Variants in ZNF714 observed in about 807,000 individuals in gnomAD.
ZNF714 encodes zinc finger protein 714.
A neutral mutation model predicts 46.2 loss-of-function variants in ZNF714; 32 were observed. The observed-to-expected ratio is 0.69, with a 90% CI of 0.52 to 0.93. ZNF714 has a LOEUF of 0.93. Among genes scored for constraint, ZNF714 ranks in the 40% least tolerant of loss-of-function variants. The pLI is 0.00. For synonymous variants in ZNF714, 199 were observed against 213.1 expected (o/e 0.93, Z 0.58); for missense variants, 635 against 646.3 (o/e 0.98, Z 0.19).
At chr19:21,113,840 G>A (rs995129523) in intron 4 of ZNF714, among the ~76,000 whole-genome samples, 3 of 152,022 alleles carry the variant, frequency 2.0e-5, no homozygotes, top group South Asian at 2.1e-4. Flanking sequence ...AGTGCCATGT[G>A]GAACTTAGAA....
chr19:21,091,330 C>T (rs1171217228), intron 2 of ZNF714: 4 of 152,204 alleles, frequency 2.6e-5, no homozygotes, highest in Non-Finnish European at 5.9e-5. Flanking sequence ...TTTTATCCAG[C>T]TTCTAATACT....
At position 21,117,082 on chromosome 19, in the gene ZNF714, A is replaced by C; in HGVS notation, c.418A>C (p.Thr140Pro). The change falls in exon 5 of 5, where the codon ACT (threonine) becomes CCT (proline). Residue 140 changes from threonine to proline, a missense_variant. Thr to Pro is a conservative substitution (Grantham distance 38). Transcript: ENST00000456283. ...FNSNRHKTRH[T>P]GEKPFKCKKC... ...TTCAAATAGACACAAGACAAGACAT[A>C]CTGGAGAGAAACCTTTCAAATGTAA... 6.2e-7 allele frequency: 1 copy of C among 1,613,556 alleles called. No homozygotes were observed. Among genetic ancestry groups the C allele is most frequent in the East Asian group, 2.2e-5 (1 of 44,830 alleles).
intron 4 of ZNF714, among the ~76,000 whole-genome samples, chr19:21,112,815 G>GTT (rs1314785181): frequency 2.4e-5 from 1 of 41,700 alleles, no homozygotes; most frequent in Non-Finnish European, 5.6e-5. Context: ...TTTTATTTCT[G>GTT]ATTTTTTTTT....
intron 2 of ZNF714, among the ~76,000 whole-genome samples, chr19:21,088,669 C>T (rs904477010): frequency 1.3e-5 from 2 of 152,176 alleles, no homozygotes; most frequent in Non-Finnish European, 2.9e-5. Flanking sequence ...TTGATTTAAG[C>T]TCTTATTATT....
At position 21,082,230 on chromosome 19, in the gene ZNF714, T is replaced by A; in HGVS notation, c.-295T>A. The A allele has an allele frequency of 9.1e-7, 1 of 1,100,284 alleles. No homozygotes were observed. The highest frequency in any genetic ancestry group is 1.3e-6 in the Non-Finnish European group (1 of 777,264). The allele number at this position is 1,100,284 out of a possible 1,614,324, so 68.2% of individuals were successfully genotyped here. A position where few individuals can be genotyped will look rare whatever the true frequency, so the allele number is the denominator to read the frequency against. On this transcript the variant is annotated 5_prime_UTR_variant, in exon 1 of 5. Coordinates refer to ENST00000456283, the MANE Select transcript of ZNF714 (RefSeq NM_182515.4). The stretch of plus-strand genomic sequence containing the variant: ...CTCTCGCTGCAGCTGGAGCTGCAGG[T>A]CTCGCCTTCACTGCCCTGTGTCCTC...
rs1175953861 is a variant in ZNF714 at position 21,121,383 on chromosome 19, A to T, written c.*3051A>T. The T allele has an allele frequency of 6.6e-6, 1 of 152,144 alleles. No homozygotes were observed. The highest frequency in any genetic ancestry group is 1.5e-5 in the Non-Finnish European group (1 of 68,024). 9.4% of individuals were successfully genotyped at this position (152,144 alleles called of 1,614,324 possible). ...ACTTTTTATAAATTTTAAAATGTAC[A>T]ATTGTTATTTACTATAGAGTTATTT... On this transcript the variant is annotated 3_prime_UTR_variant, in exon 5 of 5. Transcript: ENST00000456283.
intron 2 of ZNF714, among the ~76,000 whole-genome samples, chr19:21,093,630 TTTAA>T (rs1968973971): frequency 6.6e-6 from 1 of 152,202 alleles, no homozygotes; most frequent in Middle Eastern, 3.2e-3. Context: ...TTCTATTTTA[TTTAA>T]TTAATTAATT....
chr19:21,092,061 G>C (rs1342523226), intron 2 of ZNF714, among the ~76,000 whole-genome samples: 1 of 152,044 alleles, frequency 6.6e-6, no homozygotes, highest in Admixed American at 6.6e-5. Flanking sequence ...GCCTGTCCTG[G>C]AATAAAACTC....
chr19:21,105,764 G>A (rs895098479), intron 4 of ZNF714, among the ~76,000 whole-genome samples: 2 of 152,156 alleles, frequency 1.3e-5, no homozygotes, highest in South Asian at 2.1e-4. Context: ...AGACCAGCCT[G>A]GCCAACATGG....
intron 2 of ZNF714, among the ~76,000 whole-genome samples, chr19:21,097,015 C>T (rs1334313208): frequency 6.6e-6 from 1 of 151,998 alleles, no homozygotes; most frequent in Non-Finnish European, 1.5e-5. Context: ...TACAGGCGCC[C>T]ACCACCACAC....
chr19:21,097,573 G>GT (rs111365871), intron 2 of ZNF714, among the ~76,000 whole-genome samples: 6,935 of 151,694 alleles, frequency 0.046, 539 homozygotes, highest in African/African-American at 0.16. Context: ...TTTTTCTTAG[G>GT]TTTTTTTGTT....
chr19:21,085,246 C>T (rs1258308292), intron 2 of ZNF714, among the ~76,000 whole-genome samples: 1 of 152,140 alleles, frequency 6.6e-6, no homozygotes, highest in Non-Finnish European at 1.5e-5. Flanking sequence ...ACATCAGTTG[C>T]TCTATCTGCA....
rs1245796663 is a variant in ZNF714, at chr19:21,121,186, C to T, written c.*2854C>T. The T allele has an allele frequency of 6.6e-6, 1 of 152,162 alleles. No individual in the cohort carries two copies. Among genetic ancestry groups the T allele is most frequent in the Non-Finnish European group, 1.5e-5 (1 of 68,082 alleles). 9.4% of individuals were successfully genotyped at this position (152,162 alleles called of 1,614,324 possible). Reference sequence around the variant, plus strand: ...AGCTAGGACTACAGGCGCCCACCACCATGCCCGGCTAATTTTTTGTATTTT... The same window carrying T: ...AGCTAGGACTACAGGCGCCCACCACTATGCCCGGCTAATTTTTTGTATTTT... On this transcript the variant is annotated 3_prime_UTR_variant, in exon 5 of 5. Transcript: ENST00000456283.
In ZNF714 at chr19:21,083,286, C is replaced by T. The variant is rs888872843; in HGVS notation, c.-176-692C>T. Reference sequence around the variant, plus strand: ...CCGACCTCAGGTGATCTGCCCTCCACGGCCTCCCCAAAGTGCTGGGATTAC... The same window carrying T: ...CCGACCTCAGGTGATCTGCCCTCCATGGCCTCCCCAAAGTGCTGGGATTAC... On this transcript the variant is annotated intron_variant, in intron 1 of 4. Transcript: ENST00000456283. Among the ~76,000 whole-genome samples, 6 of 152,300 alleles carry T rather than the reference C, an allele frequency of 3.9e-5. No individual in the cohort carries two copies. The South Asian group carries it at 1.2e-3, about 32-fold the overall frequency.
Position 21,098,891 on chromosome 19 carries a change from G to A in ZNF714, c.123G>A (p.Glu41=), listed in dbSNP as rs1037637378. The stretch of plus-strand genomic sequence containing the variant: ...AGCCCTGGAATATGAAGATATGTGA[G>A]ATGGTGGATGAATCCCCAGGTAGGT... The part of the protein sequence containing the change: ...EKEPWNMKIC[E]MVDESPAMCS... The change falls in exon 4 of 5, where the codon GAG becomes GAA. Residue 41 remains glutamate, a synonymous_variant. Coordinates refer to ENST00000456283, the MANE Select transcript of ZNF714 (RefSeq NM_182515.4). 2 of 1,604,446 alleles carry A rather than the reference G, an allele frequency of 1.2e-6. No individual in the cohort carries two copies. The highest frequency in any genetic ancestry group is 2.7e-5 in the African/African-American group (2 of 74,436).
chr19:21,095,830 C>A (rs1969024178), intron 2 of ZNF714, among the ~76,000 whole-genome samples: 1 of 152,158 alleles, frequency 6.6e-6, no homozygotes, highest in African/African-American at 2.4e-5. Flanking sequence ...ACCCCCACGA[C>A]CTGATGTTGG....
At chr19:21,109,319 G>T (rs1439978077) in intron 4 of ZNF714, among the ~76,000 whole-genome samples, 4 of 152,032 alleles carry the variant, frequency 2.6e-5, no homozygotes, top group Admixed American at 2.6e-4. Flanking sequence ...CCCAAACTCA[G>T]ATGATCTCAT....
chr19:21,118,082 T>A lies in ZNF714; in HGVS notation c.1418T>A (p.Ile473Lys). The A allele has an allele frequency of 6.2e-7, 1 of 1,613,822 alleles. No homozygotes were observed. Among genetic ancestry groups the A allele is most frequent in the Non-Finnish European group, 8.5e-7 (1 of 1,179,884 alleles). Reference sequence around the variant, plus strand: ...TCCTCAAACCTTACTAAACATAACATAATTCATACTGGAGAGAAATCTTAC... The same window carrying A: ...TCCTCAAACCTTACTAAACATAACAAAATTCATACTGGAGAGAAATCTTAC... ...NRSSNLTKHN[I>K]IHTGEKSYKC... is the part of the protein sequence containing the mutation. Residue 473 changes from isoleucine (I) to lysine (K), a missense_variant, in exon 5 of 5, where the codon ATA becomes AAA. By Grantham distance (102) the Ile-to-Lys change is moderately radical (BLOSUM62 -3). Transcript: ENST00000456283.
chr19:21,085,306 A>T (rs536924773), intron 2 of ZNF714, among the ~76,000 whole-genome samples: 1 of 152,238 alleles, frequency 6.6e-6, no homozygotes, highest in Non-Finnish European at 1.5e-5. Context: ...TGTTATCTTG[A>T]TTTCTGAGTT....
Sources: allele counts gnomAD v4.1 joint callset (sites outside exome capture counted in the v4.1 genomes callset), GRCh38; gene constraint gnomAD v4.1.1; transcripts MANE v1.5; gene names NCBI Gene and HGNC (gene_info 2026-07-23, HGNC 2026-07-21).